Variants in SDK1 observed in about 807,000 individuals in gnomAD.
SDK1 encodes the protein sidekick cell adhesion molecule 1, also known as protein sidekick-1.
A neutral mutation model predicts 245.5 loss-of-function variants in SDK1; 157 were observed. The observed-to-expected ratio is 0.64, with a 90% CI of 0.56 to 0.73. The LOEUF is 0.73. SDK1 is among the 30% of genes least tolerant of loss of function. The probability of loss-of-function intolerance (pLI) is 0.00; values close to 1 mark genes in which losing one functional copy is unlikely to be tolerated. For missense variants in SDK1, 3,583 were observed against 3,002.3 expected, an observed-to-expected ratio of 1.19 and a Z score of -4.52; for synonymous variants, 1,647 against 1,278.5, an observed-to-expected ratio of 1.29 and a Z score of -6.15.
At position 3,821,533 on chromosome 7, in the gene SDK1, A is replaced by G; in HGVS notation, c.797A>G (p.Glu266Gly). The part of the protein sequence containing the change: ...AGAYYVQAVN[E>G]KNGENKTSPF... The stretch of plus-strand genomic sequence containing the variant: ...GCATACTACGTGCAGGCCGTGAATG[A>G]GAAAAATGGAGAAAACAAGACAAGC... The change falls in exon 5 of 45, where the codon GAG becomes GGG. Residue 266 changes from glutamate (E) to glycine (G), a missense_variant. By Grantham distance (98) the Glu-to-Gly change is moderately conservative. Coordinates refer to ENST00000404826, the MANE Select transcript of SDK1 (RefSeq NM_152744.4). 2 of 1,613,956 alleles carry G rather than the reference A, an allele frequency of 1.2e-6. No individual in the cohort carries two copies. The highest frequency in any genetic ancestry group is 1.1e-5 in the South Asian group (1 of 91,014).
intron 44 of SDK1, among the ~76,000 whole-genome samples, chr7:4,248,560 C>A (rs1279754059): frequency 6.6e-6 from 1 of 151,282 alleles, no homozygotes; most frequent in Non-Finnish European, 1.5e-5. Flanking sequence ...ATACATATAC[C>A]TATACACCTG....
At chr7:3,407,030 G>C (rs1048949154) in intron 1 of SDK1, among the ~76,000 whole-genome samples, 1 of 152,140 alleles carries the variant, frequency 6.6e-6, no homozygotes, top group Non-Finnish European at 1.5e-5. Flanking sequence ...AAGAATGCTA[G>C]AGGAAAGGGC....
chr7:3,525,982 T>C (rs2128616346), intron 1 of SDK1, among the ~76,000 whole-genome samples: 1 of 152,240 alleles, frequency 6.6e-6, no homozygotes, highest in African/African-American at 2.4e-5. Flanking sequence ...ACCTGTAATC[T>C]TAGCACTTTG....
At chr7:3,616,014 A>G (rs1562604574) in intron 1 of SDK1, among the ~76,000 whole-genome samples, 1 of 151,930 alleles carries the variant, frequency 6.6e-6, no homozygotes, top group Non-Finnish European at 1.5e-5. Flanking sequence ...CTTCCTTAGT[A>G]GCTGGGACTG....
intron 22 of SDK1, among the ~76,000 whole-genome samples, chr7:4,081,979 A>G (rs1454245581): frequency 6.6e-6 from 1 of 152,228 alleles, no homozygotes. Context: ...AATGTTTAAC[A>G]AAAGGAAAAC....
In SDK1 at chr7:4,233,438, G is replaced by A; in HGVS notation, c.5992+19G>A. ...GTGTCAGGTAGGCCCTCCCAGGGAG[G>A]TCTGTCTTCTTCTGGAGGACTAGAG... is the stretch of plus-strand genomic sequence containing the variant. On this transcript the variant is annotated intron_variant, in intron 41 of 44. Coordinates refer to ENST00000404826, the MANE Select transcript of SDK1 (RefSeq NM_152744.4). 6.2e-7 allele frequency: 1 copy of A among 1,607,378 alleles called. No homozygotes were observed. The highest frequency in any genetic ancestry group is 8.5e-7 in the Non-Finnish European group (1 of 1,178,442).
chr7:4,096,036 T>C (rs1397283147), intron 22 of SDK1, among the ~76,000 whole-genome samples: 1 of 152,218 alleles, frequency 6.6e-6, no homozygotes, highest in East Asian at 1.9e-4. Context: ...AGTGTGGACA[T>C]GTGGGTAGAA....
rs375456336 is a variant in SDK1 at position 3,606,799 on chromosome 7, C to T, written c.299-12281C>T. On this transcript the variant is annotated intron_variant, in intron 1 of 44. Transcript: ENST00000404826. Reference sequence around the variant, plus strand: ...TATTTTTTCTATAGCATTATCATTACATTATATAAAGGTGTTTCTGTTATT... The same window carrying T: ...TATTTTTTCTATAGCATTATCATTATATTATATAAAGGTGTTTCTGTTATT... Among the ~76,000 whole-genome samples the T allele has an allele frequency of 2.2e-4, 34 of 151,894 alleles. No individual in the cohort carries two copies. In the East Asian group the frequency reaches 5.2e-3, roughly 23 times the overall value.
At chr7:3,431,143 C>T (rs575679624) in intron 1 of SDK1, among the ~76,000 whole-genome samples, 3 of 152,206 alleles carry the variant, frequency 2.0e-5, no homozygotes, top group South Asian at 2.1e-4. Flanking sequence ...TCAAGTGATC[C>T]GCTTGCCTCA....
intron 1 of SDK1, among the ~76,000 whole-genome samples, chr7:3,443,642 C>T (rs1008994428): frequency 6.6e-6 from 1 of 152,144 alleles, no homozygotes; most frequent in Non-Finnish European, 1.5e-5. Context: ...ACACTAGCCT[C>T]CATGCTGGTT....
intron 1 of SDK1, among the ~76,000 whole-genome samples, chr7:3,502,851 C>T (rs1782263452): frequency 6.6e-6 from 1 of 152,072 alleles, no homozygotes; most frequent in South Asian, 2.1e-4. Context: ...TGACCTTGAG[C>T]AAATTGTTTT....
intron 1 of SDK1, among the ~76,000 whole-genome samples, chr7:3,559,771 A>AC (rs1188828227): frequency 1.3e-5 from 2 of 151,980 alleles, no homozygotes; most frequent in African/African-American, 4.8e-5. Context: ...AAAAAAAAAA[A>AC]AACACAAAAA....
chr7:3,366,752 A>AT lies in SDK1; in HGVS notation c.298+64871dup, dbSNP rs879259682. On this transcript the variant is annotated intron_variant, in intron 1 of 44. Coordinates refer to ENST00000404826, the MANE Select transcript of SDK1 (RefSeq NM_152744.4). The stretch of plus-strand genomic sequence containing the variant: ...ATTATTGTTTTTATTTTATTTATTT[A>AT]TTTATTTTGAGACAGAGTCTTGCTC... 3.2e-3 allele frequency among the ~76,000 whole-genome samples: 485 copies of AT among 151,568 alleles called. 3 individuals are homozygous for AT. Among genetic ancestry groups the AT allele is most frequent in the African/African-American group, 0.011 (455 of 41,264 alleles).
At chr7:3,570,465 C>G (rs1041727974) in intron 1 of SDK1, among the ~76,000 whole-genome samples, 1 of 152,094 alleles carries the variant, frequency 6.6e-6, no homozygotes, top group Admixed American at 6.5e-5. Flanking sequence ...GACGGGTACC[C>G]GTCCACAGCC....
At chr7:3,623,860 C>G (rs552413722) in intron 2 of SDK1, among the ~76,000 whole-genome samples, 3 of 152,144 alleles carry the variant, frequency 2.0e-5, no homozygotes, top group African/African-American at 7.2e-5. Flanking sequence ...ATGTAACCTG[C>G]CTCTGTGGTT....
chr7:3,599,418 G>A (rs1781182027), intron 1 of SDK1, among the ~76,000 whole-genome samples: 1 of 152,112 alleles, frequency 6.6e-6, no homozygotes, highest in Non-Finnish European at 1.5e-5. Flanking sequence ...CCTAATCTGT[G>A]TCTGTCTTCT....
chr7:3,577,307 C>T (rs1484048229), intron 1 of SDK1, among the ~76,000 whole-genome samples: 1 of 152,018 alleles, frequency 6.6e-6, no homozygotes, highest in Admixed American at 6.6e-5. Flanking sequence ...CTGTTATTTA[C>T]ACCATTTTAC....
At chr7:3,562,335 T>C (rs931804124) in intron 1 of SDK1, among the ~76,000 whole-genome samples, 5 of 152,252 alleles carry the variant, frequency 3.3e-5, no homozygotes, top group African/African-American at 1.2e-4. Flanking sequence ...AAAAAGTACT[T>C]TGGCCTTTTC....
At chr7:3,975,493 C>T (rs1224070821) in intron 13 of SDK1, among the ~76,000 whole-genome samples, 1 of 152,208 alleles carries the variant, frequency 6.6e-6, no homozygotes, top group African/African-American at 2.4e-5. Context: ...AGAATTTGAA[C>T]ACTCCGAGTA....
Sources: gnomAD v4.1 joint callset for allele counts (sites outside exome capture counted in the v4.1 genomes callset) on GRCh38, gnomAD v4.1.1 for gene constraint, MANE v1.5 for transcripts, NCBI Gene and HGNC (gene_info 2026-07-23, HGNC 2026-07-21) for gene names.